MAST1: variants seen among roughly 807,000 people sequenced by gnomAD.
The protein encoded by MAST1 is microtubule associated serine/threonine kinase 1.
MAST1 carries 40 observed loss-of-function variants against 124.6 expected under a neutral mutation model. That is an observed-to-expected ratio of 0.32 (90% confidence interval 0.25 to 0.42). The LOEUF (loss-of-function observed/expected upper bound fraction) is 0.42, where lower values mean the gene tolerates loss of function less well. Among genes scored for constraint, MAST1 ranks in the 10% least tolerant of loss-of-function variants. The pLI, the probability that MAST1 is intolerant of heterozygous loss-of-function variation, is 1.00. For synonymous variants in MAST1, 938 were observed against 939.4 expected, an observed-to-expected ratio of 1.00 and a Z score of 0.03; for missense variants, 1,558 against 2,181.9, an observed-to-expected ratio of 0.71 and a Z score of 5.70.
chr19:12,845,652 ATTTTTTTT>A (rs1219927144), intron 4 of MAST1, among the ~76,000 whole-genome samples: 2 of 130,288 alleles, frequency 1.5e-5, no homozygotes, highest in African/African-American at 6.2e-5. Flanking sequence ...TGACCCAGCA[ATTTTTTTT>A]TTTTTTTTTT....
chr19:12,843,617 G>C lies in MAST1; in HGVS notation c.327+10G>C. On this transcript the variant is annotated intron_variant, in intron 4 of 25. Coordinates refer to ENST00000251472, the MANE Select transcript of MAST1 (RefSeq NM_014975.3). This position sits in a 1 kb window ranked among gnomAD's most constrained non-coding sequence, Gnocchi z 4.9. ...CAGTTCCACCGTCTCGGTGAGTGTG[G>C]AAAGTAGGTGGGTGGGCCGGTGGGT... 1 of 1,612,136 alleles carries C rather than the reference G, an allele frequency of 6.2e-7. No homozygotes were observed. Among genetic ancestry groups the C allele is most frequent in the South Asian group, 1.1e-5 (1 of 90,974 alleles).
intron 10 of MAST1, among the ~76,000 whole-genome samples, chr19:12,858,005 T>TAA (rs1970036398): frequency 4.1e-5 from 1 of 24,200 alleles, no homozygotes; most frequent in Non-Finnish European, 7.4e-5. Context: ...AGAACCTATC[T>TAA]CAAAAAAAAA....
Position 12,843,560 on chromosome 19 carries a change from C to A in MAST1, c.280C>A (p.Leu94Ile), listed in dbSNP as rs1231371681. 1 of 1,613,672 alleles carries A rather than the reference C, an allele frequency of 6.2e-7. No individual in the cohort carries two copies. The highest frequency in any genetic ancestry group is 1.7e-5 in the Admixed American group (1 of 60,000). Residue 94 changes from leucine to isoleucine, a missense_variant, in exon 4 of 26, where the codon CTC becomes ATC. By Grantham distance (5) the Leu-to-Ile change is conservative (BLOSUM62 2). This residue lies in a region of MAST1 where 165 missense variants were observed against 315.3 expected (regional missense o/e 0.52). Coordinates refer to ENST00000251472, the MANE Select transcript of MAST1 (RefSeq NM_014975.3). The surrounding 1 kb of genome is among the most constrained non-coding windows in gnomAD (Gnocchi z 4.9). ...ADGRRWSLAS[L>I]PSSGYGTNTP... is the part of the protein sequence containing the mutation. ...CGGACGCCGGTGGTCTCTGGCCTCG[C>A]TCCCTTCATCTGGCTATGGCACCAA... is the stretch of plus-strand genomic sequence containing the variant.
At position 12,867,660 on chromosome 19, in the gene MAST1, G is replaced by A; in HGVS notation, c.2318+8G>A. On this transcript the variant is annotated splice_region_variant and intron_variant, in intron 19 of 25. Transcript: ENST00000251472. ...AGGGGGCTCTCCGGAGATGTGAGCA[G>A]GGGAATGGCGGAGTTTGGGGGCGGG... 3.8e-6 allele frequency: 6 copies of A among 1,569,368 alleles called. No homozygotes were observed. The highest frequency in any genetic ancestry group is 5.2e-6 in the Non-Finnish European group (6 of 1,158,038).
intron 10 of MAST1, among the ~76,000 whole-genome samples, chr19:12,854,283 C>T (rs758537638): frequency 6.6e-6 from 1 of 152,052 alleles, no homozygotes; most frequent in Non-Finnish European, 1.5e-5. Context: ...GCCACCACAC[C>T]TGGCTAATTT....
chr19:12,868,786 C>G lies in MAST1; in HGVS notation c.2710C>G (p.Arg904Gly). Reference sequence around the variant, plus strand: ...TGTGGCAGTAGAGAAGAGGCCTTCTCGAACTGGGGGCAAAGTCATCAAATC... The same window carrying G: ...TGTGGCAGTAGAGAAGAGGCCTTCTGGAACTGGGGGCAAAGTCATCAAATC... ...GDVAVEKRPS[R>G]TGGKVIKSAS... Residue 904 changes from arginine (R) to glycine (G), a missense_variant, in exon 21 of 26, where the codon CGA becomes GGA. Transcript: ENST00000251472. 6.2e-7 allele frequency: 1 copy of G among 1,609,038 alleles called. No homozygotes were observed. The highest frequency in any genetic ancestry group is 8.5e-7 in the Non-Finnish European group (1 of 1,177,154).
Position 12,857,586 on chromosome 19 carries a change from G to A in MAST1, c.1078-776G>A, listed in dbSNP as rs185661990. Among the ~76,000 whole-genome samples, 21 of 151,550 alleles carry A rather than the reference G, an allele frequency of 1.4e-4. No individual in the cohort carries two copies. The East Asian group carries it at 3.7e-3, about 27-fold the overall frequency. The stretch of plus-strand genomic sequence containing the variant: ...GCCACCATGCCTGGCTAATTGTTTC[G>A]TATTTTCAGTAGAGATGGGGTTTCA... On this transcript the variant is annotated intron_variant, in intron 10 of 25. Coordinates refer to ENST00000251472, the MANE Select transcript of MAST1 (RefSeq NM_014975.3).
Position 12,852,135 on chromosome 19 carries a change from C to T in MAST1, c.897C>T (p.Phe299=). ...CTCAGGAATTCAACCCCGAGGAGTT[C>T]TACCACCTGCTGGAGGCGGCCGAAG... ...LECLEFNPEE[F]YHLLEAAEGH... Residue 299 remains phenylalanine, a synonymous_variant, in exon 9 of 26, where the codon TTC becomes TTT. Transcript: ENST00000251472. 6.2e-7 allele frequency: 1 copy of T among 1,613,954 alleles called. No homozygotes were observed.
rs1599588974 is a variant in MAST1 at position 12,865,880 on chromosome 19, A to G, written c.1906+62A>G. On this transcript the variant is annotated intron_variant, in intron 16 of 25. Transcript: ENST00000251472. This position sits in a 1 kb window ranked among gnomAD's most constrained non-coding sequence, Gnocchi z 7.1. ...ATAGAGAGCAGGCCTCCAAAACCCCAGGCCCAGCCTGTGCTGTGGCCCCGG... is the reference window on the plus strand; with the variant it reads ...ATAGAGAGCAGGCCTCCAAAACCCCGGGCCCAGCCTGTGCTGTGGCCCCGG... 6.9e-6 allele frequency: 11 copies of G among 1,601,028 alleles called. No homozygotes were observed. Among genetic ancestry groups the G allele is most frequent in the Non-Finnish European group, 9.4e-6 (11 of 1,171,062 alleles).
At chr19:12,854,655 T>C (rs1969999484) in intron 10 of MAST1, among the ~76,000 whole-genome samples, 1 of 152,196 alleles carries the variant, frequency 6.6e-6, no homozygotes, top group African/African-American at 2.4e-5. Context: ...TGAATGTGGG[T>C]GTACAAATAT....
intron 21 of MAST1, 55 bp downstream of exon 21, chr19:12,868,904 C>G: frequency 6.4e-7 from 1 of 1,558,162 alleles, no homozygotes; most frequent in Non-Finnish European, 8.7e-7. Context: ...TGAGGCAGGA[C>G]AGACCAATGA....
intron 7 of MAST1, among the ~76,000 whole-genome samples, chr19:12,851,582 G>A (rs1450248263): frequency 6.6e-6 from 1 of 152,110 alleles, no homozygotes; most frequent in Non-Finnish European, 1.5e-5. Flanking sequence ...TGCCTCCCAG[G>A]TTCAAGGGAT....
At chr19:12,870,180 CAAAAAAAAAAAAAAA>C (rs35731863) in intron 22 of MAST1, among the ~76,000 whole-genome samples, 3 of 30,610 alleles carry the variant, frequency 9.8e-5, no homozygotes, top group Non-Finnish European at 1.6e-4. Context: ...GACACCATCT[CAAAAAAAAAAAAAAA>C]AAAAAAAAAA....
In MAST1 at chr19:12,868,676, C is replaced by G; in HGVS notation, c.2600C>G (p.Pro867Arg). Residue 867 changes from proline to arginine, a missense_variant, in exon 21 of 26, where the codon CCC becomes CGC. Coordinates refer to ENST00000251472, the MANE Select transcript of MAST1 (RefSeq NM_014975.3). ...CCACGCCCAGGTGACCTCTGCCCAC[C>G]CTCGAAGGATGGGGATGCATCAGGC... ...DRPRPGDLCP[P>R]SKDGDASGPR... The G allele has an allele frequency of 6.2e-7, 1 of 1,608,900 alleles. No homozygotes were observed. Among genetic ancestry groups the G allele is most frequent in the Non-Finnish European group, 8.5e-7 (1 of 1,176,656 alleles).
At chr19:12,849,136 G>A (rs1462940397) in intron 7 of MAST1, among the ~76,000 whole-genome samples, 1 of 152,118 alleles carries the variant, frequency 6.6e-6, no homozygotes, top group Non-Finnish European at 1.5e-5. Context: ...TGAGGGTGGG[G>A]GGGTGGAGTT....
intron 10 of MAST1, among the ~76,000 whole-genome samples, chr19:12,856,049 A>G (rs1970013215): frequency 6.6e-6 from 1 of 151,766 alleles, no homozygotes. Flanking sequence ...AGCATAAGAT[A>G]CCTCTTACAC....
At chr19:12,868,168 G>A (rs1225072838) in intron 20 of MAST1, among the ~76,000 whole-genome samples, 191 bp downstream of exon 20, 1 of 138,420 alleles carries the variant, frequency 7.2e-6, no homozygotes, top group East Asian at 2.5e-4. Context: ...GAGTGCAGTG[G>A]CGTGATCTCG....
chr19:12,859,451 A>T (rs1254367490), intron 12 of MAST1, among the ~76,000 whole-genome samples: 1 of 152,088 alleles, frequency 6.6e-6, no homozygotes, highest in African/African-American at 2.4e-5. Context: ...TAGTGGTGCG[A>T]TCACAGCTCA....
chr19:12,870,078 G>A (rs1178146811), intron 22 of MAST1, among the ~76,000 whole-genome samples: 2 of 150,322 alleles, frequency 1.3e-5, no homozygotes, highest in Admixed American at 1.3e-4. Flanking sequence ...CTACTTGGGA[G>A]GCTGAGGCAG....
Sources: gnomAD v4.1 joint callset for allele counts (sites outside exome capture counted in the v4.1 genomes callset) on GRCh38, gnomAD v4.1.1 for gene constraint, gnomAD v4.1.1 regional missense constraint, Gnocchi (gnomAD v3.1) non-coding constraint, MANE v1.5 for transcripts, NCBI Gene and HGNC (gene_info 2026-07-23, HGNC 2026-07-21) for gene names.